Variants in POT1 observed in about 807,000 individuals in gnomAD.
POT1 encodes protection of telomeres protein 1.
In POT1, 47 loss-of-function variants were observed where a neutral mutation model predicts 78.5. The observed-to-expected ratio is 0.60, with a 90% CI of 0.47 to 0.76. The LOEUF (loss-of-function observed/expected upper bound fraction) is 0.76. Ranked by LOEUF, POT1 falls within the 30% of genes least tolerant of loss-of-function variation. POT1 has a pLI of 0.00. For synonymous variants in POT1, 259 were observed against 260.7 expected (o/e 0.99, Z 0.06); for missense variants, 646 against 749.9 (o/e 0.86, Z 1.62).
chr7:124,871,015 C>A lies in POT1; in HGVS notation c.151G>T (p.Asp51Tyr). 6.2e-7 allele frequency: 1 copy of A among 1,607,986 alleles called. No individual in the cohort carries two copies. The highest frequency in any genetic ancestry group is 1.1e-5 in the South Asian group (1 of 90,316). The change falls in exon 7 of 19, where the codon GAC (aspartate) becomes TAC (tyrosine). Residue 51 changes from aspartate to tyrosine, a missense_variant. By Grantham distance (160) the Asp-to-Tyr change is radical (BLOSUM62 -3). This residue lies in a region of POT1 where 252 missense variants were observed against 341.4 expected (regional missense o/e 0.74). Coordinates refer to ENST00000357628, the MANE Select transcript of POT1 (RefSeq NM_015450.3). Reference protein sequence around the residue: ...TDYCSVVTIVDQTNVKLTCLL... With the variant: ...TDYCSVVTIVYQTNVKLTCLL... ...CAAGTTAGTTTTACATTTGTCTGGT[C>A]CACAATAGTTACAACTGAGCAATAA...
chr7:124,876,854 T>A (rs1638800617), intron 6 of POT1, among the ~76,000 whole-genome samples: 1 of 152,204 alleles, frequency 6.6e-6, no homozygotes, highest in African/African-American at 2.4e-5. Context: ...CTACATAGAC[T>A]TTGTTTCTGT....
chr7:124,886,819 T>A (rs903169653), intron 6 of POT1, among the ~76,000 whole-genome samples: 5 of 152,242 alleles, frequency 3.3e-5, no homozygotes, highest in African/African-American at 1.2e-4. Flanking sequence ...GAAAACATGA[T>A]TTTTCTAATA....
At chr7:124,907,565 A>G (rs117355437) in intron 3 of POT1, among the ~76,000 whole-genome samples, 3,408 of 152,230 alleles carry the variant, frequency 0.022, 52 homozygotes, top group Middle Eastern at 0.034. Flanking sequence ...AAAATACTCT[A>G]TAAGGTACTA....
chr7:124,842,754 C>A, intron 13 of POT1, 53 bp downstream of exon 13: 1 of 1,394,234 alleles, frequency 7.2e-7, no homozygotes, highest in South Asian at 1.3e-5. Flanking sequence ...CATATGTGTA[C>A]ATATACACAC....
intron 15 of POT1, 70 bp from the exon 16 acceptor site, chr7:124,829,412 T>A: frequency 1.1e-6 from 1 of 896,948 alleles, no homozygotes. Flanking sequence ...AACTTTTTAC[T>A]GCTCAAACAT....
chr7:124,880,976 T>G (rs1185381918), intron 6 of POT1, among the ~76,000 whole-genome samples: 1 of 152,004 alleles, frequency 6.6e-6, no homozygotes, highest in East Asian at 1.9e-4. Flanking sequence ...TAAAATGACG[T>G]AACTACACGT....
intron 12 of POT1, among the ~76,000 whole-genome samples, chr7:124,843,789 A>G (rs1276134898): frequency 1.3e-5 from 2 of 152,180 alleles, no homozygotes; most frequent in African/African-American, 2.4e-5. Flanking sequence ...AATCTTATTA[A>G]CCTCAATGGC....
intron 2 of POT1, among the ~76,000 whole-genome samples, chr7:124,918,357 C>A (rs572839625): frequency 1.0e-3 from 152 of 152,256 alleles, no homozygotes; most frequent in African/African-American, 3.5e-3. Context: ...GGGGGACCAA[C>A]AATTATAAAC....
At position 124,840,979 on chromosome 7, in the gene POT1, T is replaced by C. The variant is rs776965979; in HGVS notation, c.1363A>G (p.Ile455Val). The change falls in exon 14 of 19, where the codon ATA (isoleucine) becomes GTA (valine). Residue 455 changes from isoleucine (I) to valine (V), a missense_variant. Coordinates refer to ENST00000357628, the MANE Select transcript of POT1 (RefSeq NM_015450.3). Reference protein sequence around the residue: ...LPLSNECLLLIEGGTLSEICK... With the variant: ...LPLSNECLLLVEGGTLSEICK... ...AGTGACTTAAATATCTTACCTTCTATCAAAAGTAGACATTCATTTGAAAGC... is the reference window on the plus strand; with the variant it reads ...AGTGACTTAAATATCTTACCTTCTACCAAAAGTAGACATTCATTTGAAAGC... 2.2e-5 allele frequency: 35 copies of C among 1,594,682 alleles called. No individual in the cohort carries two copies. Among genetic ancestry groups the C allele is most frequent in the Middle Eastern group, 1.9e-4 (1 of 5,204 alleles).
intron 4 of POT1, 61 bp from the exon 5 acceptor site, chr7:124,897,273 T>C: frequency 1.6e-6 from 1 of 621,842 alleles, no homozygotes; most frequent in South Asian, 3.1e-5. Flanking sequence ...GATTACATGC[T>C]TTTAGTTGTA....
At chr7:124,913,365 C>G (rs1796937605) in intron 3 of POT1, among the ~76,000 whole-genome samples, 1 of 152,142 alleles carries the variant, frequency 6.6e-6, no homozygotes, top group African/African-American at 2.4e-5. Flanking sequence ...TTTATATAAT[C>G]CTGGATAGCA....
intron 3 of POT1, among the ~76,000 whole-genome samples, chr7:124,898,674 TC>T (rs1796550292): frequency 6.6e-6 from 1 of 152,038 alleles, no homozygotes; most frequent in Non-Finnish European, 1.5e-5. Flanking sequence ...ACTCAGATGT[TC>T]CAATAGTAAT....
rs1795316033 is a variant in POT1 at position 124,851,890 on chromosome 7, G to T, written c.931C>A (p.Pro311Thr). 6.2e-7 allele frequency: 1 copy of T among 1,609,624 alleles called. No homozygotes were observed. Among genetic ancestry groups the T allele is most frequent in the South Asian group, 1.1e-5 (1 of 90,982 alleles). Residue 311 changes from proline (P) to threonine (T), a missense_variant, in exon 11 of 19, where the codon CCT becomes ACT. By Grantham distance (38) the Pro-to-Thr change is conservative (BLOSUM62 -1). Transcript: ENST00000357628. ...TCCTTACTTGGAAAGCTGTCGTCAG[G>T]TTCTGATTGACAGATAACATCTGAA... ...QHSDVICQSE[P>T]DDSFPSSGSV... is the part of the protein sequence containing the mutation.
intron 2 of POT1, among the ~76,000 whole-genome samples, chr7:124,928,120 T>C (rs1797319274): frequency 6.6e-6 from 1 of 152,134 alleles, no homozygotes; most frequent in African/African-American, 2.4e-5. Flanking sequence ...CTTTAGTTAT[T>C]ATTATTACTA....
chr7:124,898,206 C>T (rs1446138023), intron 4 of POT1, 55 bp downstream of exon 4: 5 of 151,868 alleles, frequency 3.3e-5, no homozygotes, highest in African/African-American at 9.7e-5. Flanking sequence ...TCAATCCCAT[C>T]ACTTTAGCTC....
At chr7:124,883,977 T>C (rs1162707298) in intron 6 of POT1, among the ~76,000 whole-genome samples, 1 of 151,968 alleles carries the variant, frequency 6.6e-6, no homozygotes, top group East Asian at 1.9e-4. Flanking sequence ...TGTGTATCAA[T>C]AATACATAGT....
intron 8 of POT1, among the ~76,000 whole-genome samples, chr7:124,862,042 C>T (rs901531088): frequency 1.3e-5 from 2 of 152,086 alleles, no homozygotes; most frequent in African/African-American, 2.4e-5. Flanking sequence ...TAGCATGATG[C>T]CTCTAGCTTT....
chr7:124,873,224 T>G (rs1795911653), intron 6 of POT1, among the ~76,000 whole-genome samples: 1 of 152,184 alleles, frequency 6.6e-6, no homozygotes, highest in Admixed American at 6.5e-5. Flanking sequence ...CAAAGAATCT[T>G]TGGTGAGATC....
chr7:124,853,173 G>A (rs1211623792), intron 9 of POT1, 35 bp from the exon 10 acceptor site: 27 of 1,467,508 alleles, frequency 1.8e-5, no homozygotes, highest in Non-Finnish European at 2.3e-5. Flanking sequence ...TAGAAAGTGG[G>A]GAAAAATTAA....
Sources: allele counts gnomAD v4.1 joint callset (sites outside exome capture counted in the v4.1 genomes callset), GRCh38; gene constraint gnomAD v4.1.1; regional missense constraint gnomAD v4.1.1; transcripts MANE v1.5; gene names NCBI Gene and HGNC (gene_info 2026-07-23, HGNC 2026-07-21).